The following GPATCH2L variants were observed in gnomAD, a reference collection of about 807,000 sequenced individuals.
GPATCH2L encodes the protein G patch domain-containing protein 2-like.
Under a neutral mutation model 57.4 loss-of-function variants are expected in GPATCH2L, and 31 were observed. The observed-to-expected ratio is 0.54, with a 90% CI of 0.41 to 0.73. GPATCH2L has a LOEUF of 0.73. Ranked by LOEUF, GPATCH2L falls within the 30% of genes least tolerant of loss-of-function variation. The pLI is 0.00. For missense variants in GPATCH2L, 481 were observed against 599.9 expected, an observed-to-expected ratio of 0.80 and a Z score of 2.07; for synonymous variants, 199 against 210.7, an observed-to-expected ratio of 0.94 and a Z score of 0.48.
At chr14:76,167,370 A>C (rs1034120640) in intron 3 of GPATCH2L, among the ~76,000 whole-genome samples, 1 of 152,194 alleles carries the variant, frequency 6.6e-6, no homozygotes, top group African/African-American at 2.4e-5. Context: ...TAAAAATTTT[A>C]TGTAGCCTTT....
At chr14:76,167,443 C>G (rs563518471) in intron 3 of GPATCH2L, among the ~76,000 whole-genome samples, 5 of 152,296 alleles carry the variant, frequency 3.3e-5, no homozygotes, top group African/African-American at 1.2e-4. Flanking sequence ...TCTTCTCACT[C>G]CGAAGTCCAA....
intron 2 of GPATCH2L, among the ~76,000 whole-genome samples, chr14:76,163,521 T>G (rs1413564009): frequency 6.6e-6 from 1 of 152,188 alleles, no homozygotes; most frequent in African/African-American, 2.4e-5. Context: ...CCATTTAAAA[T>G]GAAGATAGGT....
intron 1 of GPATCH2L, chr14:76,152,892 C>T (rs545385902): frequency 5.3e-4 from 205 of 387,726 alleles, no homozygotes; most frequent in Non-Finnish European, 9.2e-4. Context: ...TTATTTTGGT[C>T]TTAGGGACAG....
At chr14:76,201,219 G>C (rs2040302800) in intron 9 of GPATCH2L, among the ~76,000 whole-genome samples, 1 of 152,116 alleles carries the variant, frequency 6.6e-6, no homozygotes, top group Non-Finnish European at 1.5e-5. Flanking sequence ...TTAGAGTCCA[G>C]TATGTGTGCT....
At chr14:76,198,102 C>T (rs1333477950) in intron 9 of GPATCH2L, among the ~76,000 whole-genome samples, 2 of 4,516 alleles carry the variant, frequency 4.4e-4, no homozygotes, top group Non-Finnish European at 0.024. Context: ...TGTAAATGAC[C>T]ATAGGTTGTT....
intron 2 of GPATCH2L, 120 bp downstream of exon 2, chr14:76,155,145 C>A: frequency 2.7e-6 from 2 of 744,412 alleles, no homozygotes; most frequent in African/African-American, 1.8e-5. Context: ...GACTTTGAAG[C>A]CTTCCTTGAA....
chr14:76,208,274 C>A lies in GPATCH2L; in HGVS notation c.*6423C>A, dbSNP rs12587317. On this transcript the variant is annotated 3_prime_UTR_variant, in exon 10 of 10. Transcript: ENST00000261530. ...TATCAGAGAACTTAAAGATGGCCTT[C>A]GTGACTTTGACTCAAAATCAATGCA... 6.6e-6 allele frequency: 1 copy of A among 151,950 alleles called. No homozygotes were observed. Among genetic ancestry groups the A allele is most frequent in the Non-Finnish European group, 1.5e-5 (1 of 67,980 alleles). 9.4% of individuals were successfully genotyped at this position (151,950 alleles called of 1,614,324 possible).
At chr14:76,223,918 ACC>A (rs2040525902) in intron 1 of GPATCH2L, among the ~76,000 whole-genome samples, 1 of 152,202 alleles carries the variant, frequency 6.6e-6, no homozygotes, top group South Asian at 2.1e-4. Flanking sequence ...AAACTTATGT[ACC>A]CCCAAAAGCT....
chr14:76,212,246 C>T lies in GPATCH2L; in HGVS notation c.*10395C>T, dbSNP rs1488352430. ...TACCTGTCATATTAATAAAAGTAAA[C>T]TTATCTGTAGATAAAAGGCAAAAAT... On this transcript the variant is annotated 3_prime_UTR_variant, in exon 10 of 10. Coordinates refer to ENST00000261530, the MANE Select transcript of GPATCH2L (RefSeq NM_017926.4). 6.6e-6 allele frequency: 1 copy of T among 151,924 alleles called. No individual in the cohort carries two copies. Among genetic ancestry groups the T allele is most frequent in the Non-Finnish European group, 1.5e-5 (1 of 67,950 alleles). 9.4% of individuals were successfully genotyped at this position (151,924 alleles called of 1,614,324 possible).
At chr14:76,235,508 G>C (rs537250465) in intron 2 of GPATCH2L, among the ~76,000 whole-genome samples, 10 of 152,288 alleles carry the variant, frequency 6.6e-5, no homozygotes, top group African/African-American at 2.4e-4. Context: ...GGCTTCCCCA[G>C]CCATGTGGAA....
chr14:76,179,352 ATAAG>A (rs1033622225), intron 7 of GPATCH2L: 1 of 152,274 alleles, frequency 6.6e-6, no homozygotes, highest in Non-Finnish European at 1.5e-5. Context: ...AGGAAAAATA[ATAAG>A]TAAACAGTAG....
intron 1 of GPATCH2L, among the ~76,000 whole-genome samples, chr14:76,228,628 G>A (rs2139874395): frequency 6.6e-6 from 1 of 152,284 alleles, no homozygotes; most frequent in Non-Finnish European, 1.5e-5. Context: ...ACAGCCCGTA[G>A]ACTGTTTCGT....
intron 2 of GPATCH2L, among the ~76,000 whole-genome samples, chr14:76,166,403 C>T (rs922268928): frequency 1.1e-4 from 17 of 152,246 alleles, no homozygotes; most frequent in African/African-American, 3.1e-4. Context: ...GCTTTAATAG[C>T]TTTCTAGTCC....
intron 1 of GPATCH2L, among the ~76,000 whole-genome samples, chr14:76,222,567 A>G (rs1218345633): frequency 6.6e-6 from 1 of 152,224 alleles, no homozygotes; most frequent in Non-Finnish European, 1.5e-5. Flanking sequence ...AGATGCTGCC[A>G]CTGCACTCCA....
intron 1 of GPATCH2L, among the ~76,000 whole-genome samples, chr14:76,227,493 C>T (rs2040541018): frequency 6.6e-6 from 1 of 152,146 alleles, no homozygotes. Flanking sequence ...GAAGTTGATT[C>T]CTTGTGGAGA....
chr14:76,235,192 AG>A (rs2040593239), intron 2 of GPATCH2L, among the ~76,000 whole-genome samples: 1 of 152,032 alleles, frequency 6.6e-6, no homozygotes, highest in Non-Finnish European at 1.5e-5. Flanking sequence ...AAAGAAAAAA[AG>A]AAAATGAATA....
rs1411553979 is a variant in GPATCH2L, at chr14:76,212,841, T to C, written c.*10990T>C. ...GAGGATAGGTGGTCAGAAAAAAAAA[T>C]GCAATAAATTAAAGCCAGAAAACAC... is the stretch of plus-strand genomic sequence containing the variant. On this transcript the variant is annotated 3_prime_UTR_variant, in exon 10 of 10. Transcript: ENST00000261530. 1 of 151,814 alleles carries C rather than the reference T, an allele frequency of 6.6e-6. No homozygotes were observed. The highest frequency in any genetic ancestry group is 2.4e-5 in the African/African-American group (1 of 41,362). The allele number at this position is 151,814 out of a possible 1,614,324, so 9.4% of individuals were successfully genotyped here. A position where few individuals can be genotyped will look rare whatever the true frequency, so the allele number is the denominator to read the frequency against.
chr14:76,233,792 T>G (rs1249420842), intron 2 of GPATCH2L, among the ~76,000 whole-genome samples: 1 of 152,108 alleles, frequency 6.6e-6, no homozygotes, highest in African/African-American at 2.4e-5. Flanking sequence ...AATAATAGGG[T>G]TTTTTTACAT....
chr14:76,226,148 A>G (rs571784869), intron 1 of GPATCH2L, among the ~76,000 whole-genome samples: 31 of 152,374 alleles, frequency 2.0e-4, no homozygotes, highest in Admixed American at 4.6e-4. Flanking sequence ...ACATATATGC[A>G]TCAAAACATA....
Sources: gnomAD v4.1 joint callset for allele counts (sites outside exome capture counted in the v4.1 genomes callset) on GRCh38, gnomAD v4.1.1 for gene constraint, MANE v1.5 for transcripts, NCBI Gene and HGNC (gene_info 2026-07-23, HGNC 2026-07-21) for gene names.